Variants in QRICH2 observed in about 807,000 individuals in gnomAD.
The protein encoded by QRICH2 is glutamine rich 2.
A neutral mutation model predicts 168.3 loss-of-function variants in QRICH2; 119 were observed. The observed-to-expected ratio is 0.71, with a 90% CI of 0.61 to 0.82. The LOEUF (loss-of-function observed/expected upper bound fraction) is 0.82, where lower values mean the gene tolerates loss of function less well. Among genes scored for constraint, QRICH2 ranks in the 40% least tolerant of loss-of-function variants. The pLI, the probability that QRICH2 is intolerant of heterozygous loss-of-function variation, is 0.00. For missense variants in QRICH2, 2,241 were observed against 2,491.6 expected (o/e 0.90, Z 2.14); for synonymous variants, 894 against 951.2 (o/e 0.94, Z 1.11).
At chr17:76,278,977 T>G in intron 14 of QRICH2, 64 bp downstream of exon 14, 1 of 1,373,866 alleles carries the variant, frequency 7.3e-7, no homozygotes, top group Non-Finnish European at 1.0e-6. Flanking sequence ...CCCTGTCCCC[T>G]GCCTTCCCCA....
chr17:76,277,976 G>T lies in QRICH2; in HGVS notation c.5117+13C>A, dbSNP rs189297166. ...GGTGCCTGCTCCCATGGCCTCGCCC[G>T]CCTCTCCTGTACCGTTTGTAGCAGG... On this transcript the variant is annotated intron_variant, in intron 15 of 18. Transcript: ENST00000680821. 6.8e-6 allele frequency: 11 copies of T among 1,607,216 alleles called. No individual in the cohort carries two copies. In the South Asian group the frequency reaches 9.9e-5, roughly 14 times the overall value.
At position 76,282,093 on chromosome 17, in the gene QRICH2, A is replaced by G. The variant is rs1192358604; in HGVS notation, c.4034T>C (p.Ile1345Thr). ...QDQLDKLRMI[I>T]ESMLTSSSTL... Reference sequence around the variant, plus strand: ...GGAGGAGGAGGTCAGCATGCTCTCAATGATCATCCTGAGCTTGTCCAACTG... The same window carrying G: ...GGAGGAGGAGGTCAGCATGCTCTCAGTGATCATCCTGAGCTTGTCCAACTG... The change falls in exon 8 of 19, where the codon ATT (isoleucine) becomes ACT (threonine). Residue 1345 changes from isoleucine to threonine, a missense_variant. By Grantham distance (89) the Ile-to-Thr change is moderately conservative (BLOSUM62 -1). Coordinates refer to ENST00000680821, the MANE Select transcript of QRICH2 (RefSeq NM_001388453.1). The G allele has an allele frequency of 1.9e-6, 3 of 1,608,158 alleles. No individual in the cohort carries two copies. The highest frequency in any genetic ancestry group is 2.6e-6 in the Non-Finnish European group (3 of 1,175,522).
At position 76,280,999 on chromosome 17, in the gene QRICH2, T is replaced by C. The variant is rs760869443; in HGVS notation, c.4264-46A>G. On this transcript the variant is annotated intron_variant, in intron 8 of 18. Transcript: ENST00000680821. The surrounding 1 kb of genome is among the most constrained non-coding windows in gnomAD (Gnocchi z 7.4). ...AGGCTCTCGGAGGCTGCTGGCGCGA[T>C]CCCACCCCCTGCTGCCATAATATTG... 3.1e-6 allele frequency: 5 copies of C among 1,588,388 alleles called. No homozygotes were observed. Among genetic ancestry groups the C allele is most frequent in the East Asian group, 4.5e-5 (2 of 44,604 alleles).
At chr17:76,285,084 A>G (rs1329738234) in intron 7 of QRICH2, among the ~76,000 whole-genome samples, 2 of 151,258 alleles carry the variant, frequency 1.3e-5, no homozygotes, top group African/African-American at 4.9e-5. Flanking sequence ...CCTCCTGAGA[A>G]GGTGGGATTA....
At chr17:76,289,446 C>T (rs9893530) in intron 5 of QRICH2, among the ~76,000 whole-genome samples, 54,022 of 151,848 alleles carry the variant, frequency 0.36, 10,243 homozygotes, top group East Asian at 0.58. Flanking sequence ...CTTGGCCTCC[C>T]AAAGTGCTGG....
At chr17:76,287,089 T>C (rs8072808) in intron 7 of QRICH2, 103 bp downstream of exon 7, 12,206 of 203,442 alleles carry the variant, frequency 0.06, 715 homozygotes, top group East Asian at 0.09. Flanking sequence ...CACACACACA[T>C]GATGGGAGGG....
At chr17:76,276,553 GGAGT>G in intron 17 of QRICH2, 123 bp downstream of exon 17, 2 of 658,996 alleles carry the variant, frequency 3.0e-6, no homozygotes, top group East Asian at 5.3e-5. Context: ...CTGCACATTT[GGAGT>G]GAGGGGAATG....
Position 76,280,441 on chromosome 17 carries a change from T to G in QRICH2, c.4472A>C (p.Lys1491Thr). Residue 1491 changes from lysine (K) to threonine (T), a missense_variant, in exon 11 of 19, where the codon AAG becomes ACG. By Grantham distance (78) the Lys-to-Thr change is moderately conservative. Coordinates refer to ENST00000680821, the MANE Select transcript of QRICH2 (RefSeq NM_001388453.1). This position sits in a 1 kb window ranked among gnomAD's most constrained non-coding sequence, Gnocchi z 7.4. ...LEMEIDVKAD[K>T]SALATKVSRV... is the part of the protein sequence containing the mutation. ...GCTCACTTTGGTGGCCAGAGCACTC[T>G]TGTCGGCTTTCTGCCCAGAGACAGA... The G allele has an allele frequency of 6.2e-7, 1 of 1,613,904 alleles. No individual in the cohort carries two copies. Among genetic ancestry groups the G allele is most frequent in the Non-Finnish European group, 8.5e-7 (1 of 1,179,918 alleles).
chr17:76,287,088 A>ACACACACACACACACAC, intron 7 of QRICH2, 104 bp downstream of exon 7: 1 of 331,970 alleles, frequency 3.0e-6, no homozygotes, highest in South Asian at 2.7e-5. Context: ...ACACACACAC[A>ACACACACACACACACAC]TGATGGGAGG....
rs201266455 is a variant in QRICH2 at position 76,291,260 on chromosome 17, C to T, written c.3467G>A (p.Arg1156Lys). The T allele has an allele frequency of 1.5e-5, 24 of 1,614,078 alleles. No individual in the cohort carries two copies. The highest frequency in any genetic ancestry group is 2.0e-5 in the Non-Finnish European group (24 of 1,180,042). ...GACTCGGTCGACGGAGTCTGGACTC[C>T]TGAAAAGAGTGACATCTTGGCCTGG... ...KAPGQDVTLF[R>K]SPDSVDRVLS... is the part of the protein sequence containing the mutation. Residue 1156 changes from arginine to lysine, a missense_variant, in exon 4 of 19, where the codon AGG (arginine) becomes AAG (lysine). By Grantham distance (26) the Arg-to-Lys change is conservative (BLOSUM62 2). Transcript: ENST00000680821.
intron 3 of QRICH2, 113 bp downstream of exon 3, chr17:76,304,302 A>G (rs2070953762): frequency 1.1e-5 from 7 of 660,472 alleles, no homozygotes; most frequent in Non-Finnish European, 1.9e-5. Flanking sequence ...ACCCATATCA[A>G]TGAAACTTGC....
upstream of QRICH2, among the ~76,000 whole-genome samples, chr17:76,308,948 T>C (rs2071032902): frequency 6.7e-6 from 1 of 150,364 alleles, no homozygotes; most frequent in African/African-American, 2.4e-5. Flanking sequence ...GGTTTCACTA[T>C]GTTGGCCAGG....
chr17:76,278,339 CT>C, intron 14 of QRICH2, 150 bp from the exon 15 acceptor site: 1 of 702,462 alleles, frequency 1.4e-6, no homozygotes, highest in South Asian at 1.8e-5. Flanking sequence ...AGCAGTAGTC[CT>C]TTCCACAGCA....
At chr17:76,284,676 G>A (rs926106056) in intron 7 of QRICH2, among the ~76,000 whole-genome samples, 1 of 151,652 alleles carries the variant, frequency 6.6e-6, no homozygotes, top group Non-Finnish European at 1.5e-5. Flanking sequence ...AAATTAGCCG[G>A]GTGCAGTGGC....
At chr17:76,287,084 AC>A in intron 7 of QRICH2, 107 bp downstream of exon 7, 1 of 335,128 alleles carries the variant, frequency 3.0e-6, no homozygotes, top group Non-Finnish European at 5.0e-6. Context: ...ACACACACAC[AC>A]ACATGATGGG....
chr17:76,309,554 A>AAGGC (rs2071046742), upstream of QRICH2: 1 of 152,202 alleles, frequency 6.6e-6, no homozygotes, highest in Non-Finnish European at 1.5e-5. Flanking sequence ...ACTTAAAGAG[A>AAGGC]ACCTATGAAT....
At chr17:76,305,126 A>G (rs1406625573) in intron 1 of QRICH2, among the ~76,000 whole-genome samples, 185 bp from the exon 2 acceptor site, 1 of 150,880 alleles carries the variant, frequency 6.6e-6, no homozygotes, top group Non-Finnish European at 1.5e-5. Flanking sequence ...TCTTATGGAA[A>G]GGGAGGGTTT....
At chr17:76,303,950 G>A (rs1204428260) in intron 3 of QRICH2, among the ~76,000 whole-genome samples, 3 of 151,248 alleles carry the variant, frequency 2.0e-5, no homozygotes, top group African/African-American at 7.3e-5. Flanking sequence ...CTGTCACCAT[G>A]GTCCACTAAT....
In QRICH2 at chr17:76,307,677, C is replaced by T; in HGVS notation, c.322G>A (p.Gly108Ser). 5 of 1,453,708 alleles carry T rather than the reference C, an allele frequency of 3.4e-6. No homozygotes were observed. Among genetic ancestry groups the T allele is most frequent in the South Asian group, 2.8e-5 (2 of 70,864 alleles). The allele number at this position is 1,453,708 out of a possible 1,614,324, so 90.1% of individuals were successfully genotyped here. Residue 108 changes from glycine (G) to serine (S), a missense_variant, in exon 1 of 19, where the codon GGC becomes AGC. Physicochemically the swap from Gly to Ser is moderately conservative, Grantham distance 56 (BLOSUM62 0). Coordinates refer to ENST00000680821, the MANE Select transcript of QRICH2 (RefSeq NM_001388453.1). This position sits in a 1 kb window ranked among gnomAD's most constrained non-coding sequence, Gnocchi z 5.3. ...ALESQVKDLG[G>S]QVEDLSKQLK... is the part of the protein sequence containing the mutation. ...TGCTTGCTCAGGTCCTCCACCTGGC[C>T]GCCCAGGTCCTTCACTTGGCTCTCC...
Sources: gnomAD v4.1 joint callset for allele counts (sites outside exome capture counted in the v4.1 genomes callset) on GRCh38, gnomAD v4.1.1 for gene constraint, Gnocchi (gnomAD v3.1) non-coding constraint, MANE v1.5 for transcripts, NCBI Gene and HGNC (gene_info 2026-07-23, HGNC 2026-07-21) for gene names.